The following LRP1B variants were observed in gnomAD, a reference collection of about 807,000 sequenced individuals.
LRP1B encodes LDL receptor related protein 1B, also known as low-density lipoprotein receptor-related protein 1B.
Under a neutral mutation model 556.6 loss-of-function variants are expected in LRP1B, and 217 were observed. The ratio of observed to expected loss-of-function variants is 0.39; its 90% CI spans 0.35 to 0.44. LRP1B has a LOEUF of 0.44. Among genes scored for constraint, LRP1B ranks in the 20% least tolerant of loss-of-function variants. The probability of loss-of-function intolerance (pLI) is 1.00; values close to 1 mark genes in which losing one functional copy is unlikely to be tolerated. For missense variants in LRP1B, 5,053 were observed against 5,620.8 expected (o/e 0.90, Z 3.23); for synonymous variants, 2,047 against 1,865.8 (o/e 1.10, Z -2.50).
intron 23 of LRP1B, among the ~76,000 whole-genome samples, chr2:140,892,492 T>C (rs1355160290): frequency 6.6e-6 from 1 of 152,174 alleles, no homozygotes; most frequent in Admixed American, 6.5e-5. Flanking sequence ...CAATGATATA[T>C]CATGTTACTC....
intron 1 of LRP1B, among the ~76,000 whole-genome samples, chr2:142,094,354 T>G (rs1268423557): frequency 1.3e-5 from 2 of 152,070 alleles, no homozygotes; most frequent in African/African-American, 4.8e-5. Flanking sequence ...CAACCCAGCT[T>G]TATTTGGAAT....
intron 7 of LRP1B, among the ~76,000 whole-genome samples, chr2:141,095,084 C>T (rs1700263881): frequency 6.6e-6 from 1 of 152,194 alleles, no homozygotes; most frequent in South Asian, 2.1e-4. Flanking sequence ...TTTACAATTG[C>T]TCTCTCTGTG....
intron 7 of LRP1B, among the ~76,000 whole-genome samples, chr2:141,074,727 G>A (rs1026879938): frequency 6.6e-6 from 1 of 151,360 alleles, no homozygotes; most frequent in Admixed American, 6.6e-5. Context: ...CAGACTTGAA[G>A]TTAGGTTAAA....
chr2:141,030,256 T>C (rs1698329306), intron 11 of LRP1B, among the ~76,000 whole-genome samples: 1 of 152,022 alleles, frequency 6.6e-6, no homozygotes, highest in African/African-American at 2.4e-5. Flanking sequence ...ATATATAAAA[T>C]ACTTTGAAAA....
chr2:141,162,243 T>C (rs1046168782), intron 7 of LRP1B, among the ~76,000 whole-genome samples: 2 of 152,088 alleles, frequency 1.3e-5, no homozygotes, highest in African/African-American at 4.8e-5. Context: ...AAGGTCTGGA[T>C]GTGTCATTGC....
Position 141,306,472 on chromosome 2 carries a change from T to C in LRP1B, c.344-51831A>G, listed in dbSNP as rs1573780860. On this transcript the variant is annotated intron_variant, in intron 3 of 90. Transcript: ENST00000389484. ...TTTTGTATTTCTGTGATATCAGTTG[T>C]AATGTTTCCTCTTTGATATCTGATT... Among the ~76,000 whole-genome samples the C allele has an allele frequency of 4.6e-5, 7 of 152,264 alleles. 2 individuals are homozygous for C. Among genetic ancestry groups the C allele is most frequent in the Admixed American group, 6.5e-5 (1 of 15,294 alleles).
In LRP1B at chr2:140,457,581, C is replaced by T. The variant is rs1687153817; in HGVS notation, c.9696G>A (p.Gly3232=). 6.2e-7 allele frequency: 1 copy of T among 1,613,722 alleles called. No homozygotes were observed. Among genetic ancestry groups the T allele is most frequent in the Non-Finnish European group, 8.5e-7 (1 of 1,179,762 alleles). The change falls in exon 61 of 91, where the codon GGG becomes GGA. Residue 3232 remains glycine (G), a synonymous_variant. Coordinates refer to ENST00000389484, the MANE Select transcript of LRP1B (RefSeq NM_018557.3). The stretch of plus-strand genomic sequence containing the variant: ...GGGCACGGCTGAGTGACTTGGTTTT[C>T]CCATCAGTCCAGTAGATGTAGTCTT... ...LFEDYIYWTD[G]KTKSLSRAHK...
chr2:140,809,909 C>A (rs1391284986), intron 32 of LRP1B, among the ~76,000 whole-genome samples: 1 of 152,168 alleles, frequency 6.6e-6, no homozygotes, highest in Non-Finnish European at 1.5e-5. Context: ...GGCAAAGAAG[C>A]TCATGCTTTT....
chr2:140,284,278 A>T (rs1400154810), intron 84 of LRP1B, among the ~76,000 whole-genome samples: 1 of 151,254 alleles, frequency 6.6e-6, no homozygotes, highest in Non-Finnish European at 1.5e-5. Context: ...GATTTTCATT[A>T]ACAAATACAT....
intron 60 of LRP1B, among the ~76,000 whole-genome samples, chr2:140,468,503 G>A (rs1687638431): frequency 6.6e-6 from 1 of 152,068 alleles, no homozygotes; most frequent in Non-Finnish European, 1.5e-5. Context: ...CTGTGGGGGT[G>A]GAGTCACCCG....
intron 1 of LRP1B, among the ~76,000 whole-genome samples, chr2:142,113,556 G>A (rs1707080724): frequency 1.3e-5 from 2 of 150,740 alleles, no homozygotes; most frequent in South Asian, 2.1e-4. Context: ...GGTCTCATCA[G>A]CCACCAGAAA....
intron 23 of LRP1B, among the ~76,000 whole-genome samples, chr2:140,895,785 T>A (rs10194390): frequency 0.37 from 56,091 of 151,884 alleles, 11,044 homozygotes; most frequent in African/African-American, 0.52. Flanking sequence ...CCTGGAGTTC[T>A]GCTGTCCCAG....
intron 1 of LRP1B, among the ~76,000 whole-genome samples, chr2:141,908,331 G>C (rs1419810820): frequency 6.6e-6 from 1 of 151,910 alleles, no homozygotes; most frequent in Admixed American, 6.6e-5. Context: ...ACATATTTCT[G>C]TCTTTGTTAA....
chr2:141,358,581 G>A (rs1267770341), intron 3 of LRP1B, among the ~76,000 whole-genome samples: 1 of 152,102 alleles, frequency 6.6e-6, no homozygotes, highest in African/African-American at 2.4e-5. Flanking sequence ...CTTTCCATTG[G>A]CCTAATCTAA....
intron 2 of LRP1B, among the ~76,000 whole-genome samples, chr2:141,627,773 C>T (rs1226875360): frequency 6.6e-6 from 1 of 152,110 alleles, no homozygotes; most frequent in Non-Finnish European, 1.5e-5. Context: ...CAAAGGTAAA[C>T]TGTGAACCTT....
At chr2:141,573,040 G>A (rs1686592971) in intron 2 of LRP1B, among the ~76,000 whole-genome samples, 3 of 152,132 alleles carry the variant, frequency 2.0e-5, no homozygotes, top group African/African-American at 7.2e-5. Context: ...ACAGATCAAT[G>A]AGACAGAAAA....
intron 88 of LRP1B, 145 bp from the exon 89 acceptor site, chr2:140,238,441 G>T (rs927870799): frequency 2.1e-6 from 1 of 474,200 alleles, no homozygotes; most frequent in Non-Finnish European, 3.7e-6. Context: ...ACAAAAAGTA[G>T]TACATTGATA....
intron 2 of LRP1B, among the ~76,000 whole-genome samples, chr2:141,793,378 A>T (rs918687186): frequency 2.0e-5 from 3 of 151,074 alleles, no homozygotes; most frequent in Admixed American, 2.0e-4. Context: ...ACTTAAACAC[A>T]TTGAACACTT....
chr2:141,808,843 T>C (rs577952897), intron 2 of LRP1B, among the ~76,000 whole-genome samples: 1 of 152,238 alleles, frequency 6.6e-6, no homozygotes, highest in South Asian at 2.1e-4. Context: ...AAGGGAATCG[T>C]AAAACATGTG....
Sources: gnomAD v4.1 joint callset for allele counts (sites outside exome capture counted in the v4.1 genomes callset) on GRCh38, gnomAD v4.1.1 for gene constraint, MANE v1.5 for transcripts, NCBI Gene and HGNC (gene_info 2026-07-23, HGNC 2026-07-21) for gene names.